Variants in EAF2 observed in about 807,000 individuals in gnomAD.
EAF2 encodes ELL associated factor 2.
In EAF2, 29 loss-of-function variants were observed where a neutral mutation model predicts 29.4. The ratio of observed to expected loss-of-function variants is 0.99; its 90% CI spans 0.73 to 1.35. The LOEUF (loss-of-function observed/expected upper bound fraction) is 1.35, where lower values mean the gene tolerates loss of function less well. Ranked by LOEUF, EAF2 falls within the 40% of genes most tolerant of loss-of-function variation. The pLI is 0.00. For synonymous variants in EAF2, 103 were observed against 102.5 expected, an observed-to-expected ratio of 1.00 and a Z score of -0.03; for missense variants, 292 against 312.0, an observed-to-expected ratio of 0.94 and a Z score of 0.48.
chr3:121,857,773 T>C (rs1377370548), intron 4 of EAF2, among the ~76,000 whole-genome samples: 1 of 152,174 alleles, frequency 6.6e-6, no homozygotes, highest in Non-Finnish European at 1.5e-5. Context: ...GCTGCACCCA[T>C]TAACTCATCA....
intron 5 of EAF2, among the ~76,000 whole-genome samples, chr3:121,883,622 C>T (rs185576058): frequency 9.0e-4 from 137 of 152,334 alleles, no homozygotes; most frequent in Non-Finnish European, 1.9e-3. Context: ...CATTGCAAGA[C>T]ATTTAGCATT....
In EAF2 at chr3:121,854,688, G is replaced by T; in HGVS notation, c.203G>T (p.Gly68Val). Residue 68 changes from glycine (G) to valine (V), a missense_variant and splice_region_variant, in exon 3 of 6, where the codon GGT becomes GTT. Gly to Val is a moderately radical substitution (Grantham distance 109, BLOSUM62 -3). Transcript: ENST00000273668. The part of the protein sequence containing the change: ...QVTITLPNIE[G>V]STPPVTVFKG... ...AATAATAATTAACTTTTTAAACAGG[G>T]TTCAACTCCACCAGTAACTGTTTTC... The T allele has an allele frequency of 6.5e-7, 1 of 1,538,194 alleles. No homozygotes were observed. Among genetic ancestry groups the T allele is most frequent in the Admixed American group, 2.5e-5 (1 of 39,776 alleles).
At chr3:121,850,625 T>C (rs1708615707) in intron 2 of EAF2, among the ~76,000 whole-genome samples, 1 of 152,236 alleles carries the variant, frequency 6.6e-6, no homozygotes, top group African/African-American at 2.4e-5. Context: ...TGTTACATTA[T>C]AGAATATCTT....
Position 121,854,315 on chromosome 3 carries a change from C to CAAAA in EAF2, c.202-356_202-353dup, listed in dbSNP as rs34965578. Among the ~76,000 whole-genome samples the CAAAA allele has an allele frequency of 1.9e-4, 20 of 104,328 alleles. No homozygotes were observed. In the South Asian group the frequency reaches 3.0e-3, roughly 16 times the overall value. The allele number at this position is 104,328 out of a possible 152,430, so 68.4% of individuals were successfully genotyped here. On this transcript the variant is annotated intron_variant, in intron 2 of 5. Coordinates refer to ENST00000273668, the MANE Select transcript of EAF2 (RefSeq NM_018456.6). ...CGGGCAACAGAGCAAGACTCTGTCT[C>CAAAA]AAAAAAAAAAAAAAAAAAAGGAGGA...
At chr3:121,841,246 G>T (rs1708414762) in intron 1 of EAF2, among the ~76,000 whole-genome samples, 1 of 152,298 alleles carries the variant, frequency 6.6e-6, no homozygotes, top group African/African-American at 2.4e-5. Flanking sequence ...GCTCACGCCT[G>T]TAATCCCAGC....
At chr3:121,867,564 G>C (rs902956173) in intron 4 of EAF2, among the ~76,000 whole-genome samples, 1 of 152,192 alleles carries the variant, frequency 6.6e-6, no homozygotes, top group Non-Finnish European at 1.5e-5. Flanking sequence ...CTTCAGTAAT[G>C]AGGGGCAAAT....
intron 4 of EAF2, among the ~76,000 whole-genome samples, chr3:121,870,922 G>A (rs1709000224): frequency 6.6e-6 from 1 of 152,174 alleles, no homozygotes; most frequent in Admixed American, 6.5e-5. Context: ...AAGATATGAA[G>A]CATCTGTGAC....
At chr3:121,841,522 AAAAAAAAAAAAAAAAAAAAAAG>A (rs1708429315) in intron 1 of EAF2, among the ~76,000 whole-genome samples, 4 of 26,174 alleles carry the variant, frequency 1.5e-4, no homozygotes, top group Middle Eastern at 0.011. Context: ...AAAAAAAAAA[AAAAAAAAAAAAAAAAAAAAAAG>A]AAAGAAAGAA....
intron 1 of EAF2, 98 bp downstream of exon 1, chr3:121,835,489 A>G: frequency 9.6e-7 from 1 of 1,039,550 alleles, no homozygotes. Flanking sequence ...TACCCCTTAC[A>G]CTGTTGGAGA....
intron 2 of EAF2, among the ~76,000 whole-genome samples, chr3:121,846,655 A>G (rs187925253): frequency 1.3e-5 from 2 of 152,160 alleles, no homozygotes. Context: ...CCACTAGTCT[A>G]TTGTCTCAGG....
intron 2 of EAF2, among the ~76,000 whole-genome samples, chr3:121,849,770 A>G (rs576549429): frequency 1.3e-5 from 2 of 152,198 alleles, no homozygotes; most frequent in Admixed American, 6.5e-5. Flanking sequence ...ATAGTCCATT[A>G]CATTCTTGGG....
At position 121,835,354 on chromosome 3, in the gene EAF2, C is replaced by A. The variant is rs1180973243; in HGVS notation, c.69C>A (p.Phe23Leu). Residue 23 changes from phenylalanine to leucine, a missense_variant, in exon 1 of 6, where the codon TTC (phenylalanine) becomes TTA (leucine). Coordinates refer to ENST00000273668, the MANE Select transcript of EAF2 (RefSeq NM_018456.6). Reference sequence around the variant, plus strand: ...GGGTTCTCAAGTTAGGGGAGAGTTTCGAGAAGCAGCCGCGCTGCGCCTTCC... The same window carrying A: ...GGGTTCTCAAGTTAGGGGAGAGTTTAGAGAAGCAGCCGCGCTGCGCCTTCC... ...RERVLKLGESFEKQPRCAFHT... is the reference protein window; with the variant it reads ...RERVLKLGESLEKQPRCAFHT... The A allele has an allele frequency of 1.2e-6, 2 of 1,614,106 alleles. No homozygotes were observed. The highest frequency in any genetic ancestry group is 1.7e-6 in the Non-Finnish European group (2 of 1,179,964).
rs530486286 is a variant in EAF2 at position 121,854,852 on chromosome 3, T to C, written c.338+29T>C. 6.0e-6 allele frequency: 9 copies of C among 1,494,500 alleles called. No individual in the cohort carries two copies. The East Asian group carries it at 2.3e-4, about 39-fold the overall frequency. 92.6% of individuals were successfully genotyped at this position (1,494,500 alleles called of 1,614,324 possible). ...TGTGGTTTAATGAAATAAATTATAT[T>C]ATAAACATAAATTTCTAAGGAAATG... On this transcript the variant is annotated intron_variant, in intron 3 of 5. Coordinates refer to ENST00000273668, the MANE Select transcript of EAF2 (RefSeq NM_018456.6).
intron 2 of EAF2, among the ~76,000 whole-genome samples, chr3:121,851,879 C>A (rs1053410162): frequency 5.3e-5 from 8 of 152,112 alleles, no homozygotes; most frequent in Admixed American, 4.6e-4. Context: ...AGTTCATATG[C>A]TTAGTAGTTG....
At chr3:121,882,154 G>C (rs923883858) in intron 5 of EAF2, among the ~76,000 whole-genome samples, 1 of 151,992 alleles carries the variant, frequency 6.6e-6, no homozygotes, top group African/African-American at 2.4e-5. Context: ...TTCAAGACCA[G>C]CCTGAGCAAC....
chr3:121,850,489 A>T (rs1332015361), intron 2 of EAF2, among the ~76,000 whole-genome samples: 1 of 151,740 alleles, frequency 6.6e-6, no homozygotes, highest in Non-Finnish European at 1.5e-5. Flanking sequence ...TTATTTTCCT[A>T]CCTCTATCAA....
chr3:121,874,465 C>G (rs1709064088), intron 5 of EAF2, among the ~76,000 whole-genome samples: 1 of 151,664 alleles, frequency 6.6e-6, no homozygotes, highest in South Asian at 2.1e-4. Context: ...AAAAATTTTC[C>G]AGTAATTAAT....
chr3:121,866,151 A>G (rs149484436), intron 4 of EAF2, among the ~76,000 whole-genome samples: 108 of 152,104 alleles, frequency 7.1e-4, no homozygotes, highest in African/African-American at 2.3e-3. Context: ...TTTCACCTAT[A>G]CGCACCACAT....
chr3:121,874,294 G>T (rs1709062439), intron 5 of EAF2, among the ~76,000 whole-genome samples: 1 of 151,704 alleles, frequency 6.6e-6, no homozygotes, highest in South Asian at 2.1e-4. Context: ...GTAAACTATG[G>T]GTTAATTAGG....
Sources: gnomAD v4.1 joint callset for allele counts (sites outside exome capture counted in the v4.1 genomes callset) on GRCh38, gnomAD v4.1.1 for gene constraint, MANE v1.5 for transcripts, NCBI Gene and HGNC (gene_info 2026-07-23, HGNC 2026-07-21) for gene names.